Variants in ALDH8A1 observed in about 807,000 individuals in gnomAD.
ALDH8A1 encodes the protein aldehyde dehydrogenase 8 family member A1.
ALDH8A1 carries 39 observed loss-of-function variants against 43.3 expected under a neutral mutation model. That is an observed-to-expected ratio of 0.90 (90% CI 0.70 to 1.18). The LOEUF (loss-of-function observed/expected upper bound fraction) is 1.18. Ranked by LOEUF, ALDH8A1 falls within the 50% of genes most tolerant of loss-of-function variation. ALDH8A1 has a pLI of 0.00. For synonymous variants in ALDH8A1, 233 were observed against 243.5 expected (o/e 0.96, Z 0.40); for missense variants, 605 against 622.6 (o/e 0.97, Z 0.30).
In ALDH8A1 at chr6:134,929,218, G is replaced by C; in HGVS notation, c.850-3C>G. On this transcript the variant is annotated splice_polypyrimidine_tract_variant and splice_region_variant and intron_variant, in intron 5 of 6. Coordinates refer to ENST00000265605, the MANE Select transcript of ALDH8A1 (RefSeq NM_022568.4). Reference sequence around the variant, plus strand: ...CTGGTACAGAGACAGATTTCACCCTGCCAAGAATGAGAACAGGGATAAGGC... The same window carrying C: ...CTGGTACAGAGACAGATTTCACCCTCCCAAGAATGAGAACAGGGATAAGGC... 3 of 1,613,584 alleles carry C rather than the reference G, an allele frequency of 1.9e-6. No homozygotes were observed. The highest frequency in any genetic ancestry group is 2.2e-5 in the East Asian group (1 of 44,872).
In ALDH8A1 at chr6:134,930,418, G is replaced by T. The variant is rs117186930; in HGVS notation, c.850-1203C>A. On this transcript the variant is annotated intron_variant, in intron 5 of 6. Coordinates refer to ENST00000265605, the MANE Select transcript of ALDH8A1 (RefSeq NM_022568.4). Reference sequence around the variant, plus strand: ...CATAGCATGTAACAGTTTAGACTTAGAGTTGGCATGTAACCACATTCTAGA... The same window carrying T: ...CATAGCATGTAACAGTTTAGACTTATAGTTGGCATGTAACCACATTCTAGA... Among the ~76,000 whole-genome samples the T allele has an allele frequency of 3.8e-4, 58 of 152,290 alleles. No homozygotes were observed. The East Asian group carries it at 0.011, about 28-fold the overall frequency.
At chr6:134,947,477 T>C (rs1029303359) in intron 1 of ALDH8A1, among the ~76,000 whole-genome samples, 1 of 152,104 alleles carries the variant, frequency 6.6e-6, no homozygotes, top group South Asian at 2.1e-4. Flanking sequence ...AAACTATCCA[T>C]CTGACAAGGG....
intron 1 of ALDH8A1, among the ~76,000 whole-genome samples, chr6:134,945,352 C>A (rs1396521378): frequency 6.6e-6 from 1 of 152,068 alleles, no homozygotes; most frequent in Non-Finnish European, 1.5e-5. Flanking sequence ...CCTGATTCTG[C>A]CCAGTGGAAG....
chr6:134,920,470 T>C (rs1042946152), intron 6 of ALDH8A1, among the ~76,000 whole-genome samples: 5 of 152,176 alleles, frequency 3.3e-5, no homozygotes, highest in Non-Finnish European at 7.3e-5. Context: ...GAGGCCCTGC[T>C]GGGATGCAGT....
intron 3 of ALDH8A1, chr6:134,940,295 G>T: frequency 4.1e-6 from 1 of 242,104 alleles, no homozygotes; most frequent in Admixed American, 5.1e-5. Context: ...GACGCATTTT[G>T]AGATTTATAG....
At chr6:134,925,351 A>T (rs889360429) in intron 6 of ALDH8A1, among the ~76,000 whole-genome samples, 1 of 152,214 alleles carries the variant, frequency 6.6e-6, no homozygotes. Flanking sequence ...TAGAGGCTCC[A>T]GGCTCGGATG....
intron 2 of ALDH8A1, among the ~76,000 whole-genome samples, chr6:134,943,399 A>C (rs1399616313): frequency 1.3e-5 from 2 of 152,230 alleles, no homozygotes; most frequent in Admixed American, 6.5e-5. Context: ...CTGACATATC[A>C]GAAAACATCC....
chr6:134,937,018 A>G (rs1583031265), intron 4 of ALDH8A1, among the ~76,000 whole-genome samples: 2 of 152,158 alleles, frequency 1.3e-5, no homozygotes, highest in South Asian at 2.1e-4. Flanking sequence ...TAAATAGAGC[A>G]CACACACACA....
chr6:134,936,595 A>C (rs1326633132), intron 4 of ALDH8A1, among the ~76,000 whole-genome samples: 1 of 152,190 alleles, frequency 6.6e-6, no homozygotes, highest in African/African-American at 2.4e-5. Context: ...ATCACTGCTA[A>C]TGTTCAGAGT....
At chr6:134,932,376 T>C (rs1210479775) in intron 5 of ALDH8A1, among the ~76,000 whole-genome samples, 4 of 152,158 alleles carry the variant, frequency 2.6e-5, no homozygotes, top group African/African-American at 9.7e-5. Context: ...TTTTGAATAC[T>C]TTTGAAATGA....
intron 1 of ALDH8A1, among the ~76,000 whole-genome samples, chr6:134,948,612 T>C (rs1773993218): frequency 6.6e-6 from 1 of 152,170 alleles, no homozygotes; most frequent in Non-Finnish European, 1.5e-5. Context: ...ACCAGCAACA[T>C]TTTCCTGAGT....
chr6:134,928,043 G>T (rs1309463986), intron 6 of ALDH8A1, among the ~76,000 whole-genome samples: 2 of 152,168 alleles, frequency 1.3e-5, no homozygotes, highest in East Asian at 3.8e-4. Flanking sequence ...AACAAGCCAT[G>T]CTGGTCATCC....
rs189572383 is a variant in ALDH8A1, at chr6:134,931,483, C to T, written c.849+1293G>A. On this transcript the variant is annotated intron_variant, in intron 5 of 6. Coordinates refer to ENST00000265605, the MANE Select transcript of ALDH8A1 (RefSeq NM_022568.4). ...TTTGCCATGTTGGCCAGGCTGGTCT[C>T]GAGCGCTCCTAACCTCAGGTGATCC... Among the ~76,000 whole-genome samples the T allele has an allele frequency of 1.8e-4, 26 of 144,774 alleles. No individual in the cohort carries two copies. In the East Asian group the frequency reaches 2.1e-3, roughly 12 times the overall value. 95.0% of individuals were successfully genotyped at this position (144,774 alleles called of 152,430 possible). A position where few individuals can be genotyped will look rare whatever the true frequency, so the allele number is the denominator to read the frequency against.
rs146242837 is a variant in ALDH8A1 at position 134,922,544 on chromosome 6, C to T, written c.1012-3677G>A. Among the ~76,000 whole-genome samples, 1,167 of 152,082 alleles carry T rather than the reference C, an allele frequency of 7.7e-3. 14 individuals are homozygous for T. Among genetic ancestry groups the T allele is most frequent in the African/African-American group, 0.027 (1,111 of 41,480 alleles). ...CTGGGGCTACAGGTGCGAGCCACCA[C>T]GCCTGGCTAATTTTTGTATTTTTAG... On this transcript the variant is annotated intron_variant, in intron 6 of 6. Transcript: ENST00000265605.
intron 6 of ALDH8A1, among the ~76,000 whole-genome samples, chr6:134,925,360 T>C (rs573389352): frequency 7.4e-4 from 113 of 152,334 alleles, no homozygotes; most frequent in African/African-American, 2.2e-3. Flanking sequence ...CAGGCTCGGA[T>C]GGTTTCAAGC....
chr6:134,933,566 A>G (rs1562255511), intron 4 of ALDH8A1, among the ~76,000 whole-genome samples: 1 of 152,182 alleles, frequency 6.6e-6, no homozygotes, highest in African/African-American at 2.4e-5. Flanking sequence ...CACCATGCTT[A>G]TAAATAGCAT....
chr6:134,939,246 C>G lies in ALDH8A1; in HGVS notation c.592+20G>C. On this transcript the variant is annotated intron_variant, in intron 4 of 6. Coordinates refer to ENST00000265605, the MANE Select transcript of ALDH8A1 (RefSeq NM_022568.4). ...TTGCTCCAACTCTGTGCCTGCCCCCCAACCCCAACACCTAATTACCTGCTT... is the reference window on the plus strand; with the variant it reads ...TTGCTCCAACTCTGTGCCTGCCCCCGAACCCCAACACCTAATTACCTGCTT... The G allele has an allele frequency of 6.2e-7, 1 of 1,611,706 alleles. No individual in the cohort carries two copies. Among genetic ancestry groups the G allele is most frequent in the Non-Finnish European group, 8.5e-7 (1 of 1,177,920 alleles).
chr6:134,946,394 A>G (rs1342551637), intron 1 of ALDH8A1, among the ~76,000 whole-genome samples: 7 of 152,344 alleles, frequency 4.6e-5, no homozygotes, highest in African/African-American at 1.7e-4. Flanking sequence ...TCTTTTTGCT[A>G]TTCAGAAAAT....
At chr6:134,935,339 C>G (rs2114696020) in intron 4 of ALDH8A1, among the ~76,000 whole-genome samples, 2 of 152,212 alleles carry the variant, frequency 1.3e-5, no homozygotes, top group South Asian at 4.2e-4. Context: ...ACTTAGTTCA[C>G]CAGGAAGAAA....
Sources: gnomAD v4.1 joint callset for allele counts (sites outside exome capture counted in the v4.1 genomes callset) on GRCh38, gnomAD v4.1.1 for gene constraint, MANE v1.5 for transcripts, NCBI Gene and HGNC (gene_info 2026-07-23, HGNC 2026-07-21) for gene names.